The following SCN8A variants were observed in gnomAD, a reference collection of about 807,000 sequenced individuals.
SCN8A encodes the protein sodium voltage-gated channel alpha subunit 8.
Under a neutral mutation model 184.1 loss-of-function variants are expected in SCN8A, and 30 were observed. That is an observed-to-expected ratio of 0.16 (90% CI 0.12 to 0.22). The LOEUF (loss-of-function observed/expected upper bound fraction) is 0.22, where lower values mean the gene tolerates loss of function less well. SCN8A is among the 10% of genes least tolerant of loss of function. The probability of loss-of-function intolerance (pLI) is 1.00; values close to 1 mark genes in which losing one functional copy is unlikely to be tolerated. For missense variants in SCN8A, 1,057 were observed against 2,498.9 expected (o/e 0.42, Z 12.30); for synonymous variants, 852 against 907.0 (o/e 0.94, Z 1.09).
chr12:51,780,062 C>A (rs1050868748), intron 20 of SCN8A: 1 of 290,530 alleles, frequency 3.4e-6, no homozygotes, highest in African/African-American at 2.2e-5. Flanking sequence ...AATGTCGTGA[C>A]GCATCAGATT....
chr12:51,743,785 G>A (rs577211717), intron 12 of SCN8A, among the ~76,000 whole-genome samples: 3 of 152,276 alleles, frequency 2.0e-5, no homozygotes, highest in Non-Finnish European at 2.9e-5. Context: ...CAGGTCCCAG[G>A]TGGGTACAGA....
chr12:51,697,836 T>A (rs1941619731), intron 6 of SCN8A, among the ~76,000 whole-genome samples: 1 of 152,168 alleles, frequency 6.6e-6, no homozygotes. Context: ...TTTTTTTGTT[T>A]TTGTTTTTTT....
intron 26 of SCN8A, among the ~76,000 whole-genome samples, chr12:51,797,630 A>G (rs529854048): frequency 6.6e-6 from 1 of 152,286 alleles, no homozygotes. Context: ...GTAGTTTCCC[A>G]TTGACCTTAA....
At chr12:51,705,654 C>G in intron 10 of SCN8A, 31 bp downstream of exon 10, 1 of 1,579,846 alleles carries the variant, frequency 6.3e-7, no homozygotes, top group South Asian at 1.1e-5. Flanking sequence ...AATAGACCTT[C>G]CTGCCAGATC....
intron 2 of SCN8A, among the ~76,000 whole-genome samples, chr12:51,679,813 C>T (rs985896465): frequency 6.7e-6 from 1 of 148,358 alleles, no homozygotes; most frequent in Admixed American, 6.8e-5. Flanking sequence ...GCAAGCTTTG[C>T]CTCCTGGGTT....
rs1360924922 is a variant in SCN8A, at chr12:51,769,028, A to G, written c.3065A>G (p.His1022Arg). Reference protein sequence around the residue: ...KLKVHAFMQAHFKQREADEVK... With the variant: ...KLKVHAFMQARFKQREADEVK... ...AAGGTGCACGCCTTCATGCAGGCCC[A>G]CTTTAAGCAGCGTGAGGCTGATGAG... Residue 1022 changes from histidine to arginine, a missense_variant, in exon 17 of 27, where the codon CAC (histidine) becomes CGC (arginine). Physicochemically the swap from His to Arg is conservative, Grantham distance 29 (BLOSUM62 0). Around this residue, in one of 19 missense-constraint regions of SCN8A, gnomAD observed 178 missense variants for 259.6 expected, o/e 0.69. Coordinates refer to ENST00000627620, the MANE Select transcript of SCN8A (RefSeq NM_001330260.2). 6.2e-7 allele frequency: 1 copy of G among 1,613,998 alleles called. No homozygotes were observed. The highest frequency in any genetic ancestry group is 8.5e-7 in the Non-Finnish European group (1 of 1,179,884).
intron 5 of SCN8A, 148 bp from the exon 6 acceptor site, chr12:51,688,857 G>C: frequency 6.2e-7 from 1 of 1,610,526 alleles, no homozygotes; most frequent in Non-Finnish European, 8.5e-7. Context: ...CAGGTAAGAT[G>C]GTCCGGGGTT....
At chr12:51,796,338 ACACTTTGGACAATGCTACCCTTGTC>A (rs1258048917) in intron 26 of SCN8A, among the ~76,000 whole-genome samples, 1 of 152,068 alleles carries the variant, frequency 6.6e-6, no homozygotes, top group African/African-American at 2.4e-5. Context: ...CTCACAAAAC[ACACTTTGGACAATGCTACCCTTGTC>A]CACTGCTCTT....
At chr12:51,678,434 C>T (rs1043199141) in intron 2 of SCN8A, among the ~76,000 whole-genome samples, 1 of 152,172 alleles carries the variant, frequency 6.6e-6, no homozygotes, top group African/African-American at 2.4e-5. Context: ...AGGCTTTCTC[C>T]TCAAATTTAT....
chr12:51,702,090 G>A (rs1730762136), intron 8 of SCN8A, among the ~76,000 whole-genome samples: 1 of 152,012 alleles, frequency 6.6e-6, no homozygotes, highest in African/African-American at 2.4e-5. Flanking sequence ...TTGGGAGGCT[G>A]GGGCAGGCAG....
rs1183837698 is a variant in SCN8A, at chr12:51,770,003, G to T, written c.3490+18G>T. On this transcript the variant is annotated intron_variant, in intron 18 of 26. Transcript: ENST00000627620. ...CACAGAAGGTGAAAGGGGATGAGGA[G>T]CGGATGGGCTGGGGACACTCGTGTT... is the stretch of plus-strand genomic sequence containing the variant. The T allele has an allele frequency of 2.0e-6, 3 of 1,522,938 alleles. No homozygotes were observed. In the South Asian group the frequency reaches 3.6e-5, roughly 18 times the overall value. The allele number at this position is 1,522,938 out of a possible 1,614,324, so 94.3% of individuals were successfully genotyped here.
intron 14 of SCN8A, among the ~76,000 whole-genome samples, chr12:51,758,910 C>T (rs187332457): frequency 3.7e-4 from 56 of 152,042 alleles, no homozygotes; most frequent in Admixed American, 3.3e-3. Flanking sequence ...CCAGTGGATG[C>T]CTGAAACCTC....
chr12:51,791,181 C>T (rs1168074476), intron 25 of SCN8A, among the ~76,000 whole-genome samples: 1 of 152,130 alleles, frequency 6.6e-6, no homozygotes, highest in Non-Finnish European at 1.5e-5. Context: ...CTGTAACTTC[C>T]ATTTAGCAAC....
rs1592175486 is a variant in SCN8A at position 51,807,645 on chromosome 12, A to G, written c.*216A>G. The G allele has an allele frequency of 6.7e-6, 4 of 594,390 alleles. No homozygotes were observed. The East Asian group carries it at 1.1e-4, about 17-fold the overall frequency. The allele number at this position is 594,390 out of a possible 1,614,324, so 36.8% of individuals were successfully genotyped here. On this transcript the variant is annotated 3_prime_UTR_variant, in exon 27 of 27. Coordinates refer to ENST00000627620, the MANE Select transcript of SCN8A (RefSeq NM_001330260.2). This position sits in a 1 kb window ranked among gnomAD's most constrained non-coding sequence, Gnocchi z 4.5. ...GCTCCCTAGACTTACAGATTTTCTA[A>G]TGCTTGGGCAGGTGGTTACTGCATG...
At chr12:51,614,444 T>C (rs1035632485) in intron 1 of SCN8A, among the ~76,000 whole-genome samples, 2 of 152,136 alleles carry the variant, frequency 1.3e-5, no homozygotes, top group African/African-American at 4.8e-5. Flanking sequence ...TATTTTCCAC[T>C]TTTTACTTAA....
intron 12 of SCN8A, 98 bp from the exon 13 acceptor site, chr12:51,745,805 A>G: frequency 1.0e-6 from 1 of 963,242 alleles, no homozygotes; most frequent in Non-Finnish European, 1.5e-6. Flanking sequence ...TAAAGACTGT[A>G]ATGAAGATCA....
chr12:51,788,552 GA>G lies in SCN8A; in HGVS notation c.4228-139del, dbSNP rs758031614. ...CTCCTGGGACCTGTAGTAACAAACA[GA>G]AAATTCTGTGTCCAAGGGAGGCTGC... On this transcript the variant is annotated intron_variant, in intron 22 of 26. Coordinates refer to ENST00000627620, the MANE Select transcript of SCN8A (RefSeq NM_001330260.2). 1.4e-3 allele frequency: 640 copies of G among 466,654 alleles called. 2 individuals carry two copies. Among genetic ancestry groups the G allele is most frequent in the South Asian group, 2.2e-3 (27 of 12,422 alleles). The allele number at this position is 466,654 out of a possible 1,614,324, so 28.9% of individuals were successfully genotyped here.
intron 12 of SCN8A, among the ~76,000 whole-genome samples, chr12:51,731,547 G>A (rs1291464879): frequency 2.6e-5 from 4 of 152,146 alleles, no homozygotes; most frequent in Non-Finnish European, 5.9e-5. Flanking sequence ...CACCACGCCC[G>A]ACTGGATATA....
chr12:51,794,358 C>T lies in SCN8A; in HGVS notation c.4525-13C>T. The T allele has an allele frequency of 6.3e-7, 1 of 1,599,948 alleles. No individual in the cohort carries two copies. Among genetic ancestry groups the T allele is most frequent in the East Asian group, 2.2e-5 (1 of 44,646 alleles). On this transcript the variant is annotated splice_polypyrimidine_tract_variant and intron_variant, in intron 25 of 26. Coordinates refer to ENST00000627620, the MANE Select transcript of SCN8A (RefSeq NM_001330260.2). ...TCATGAATCTTTTATCTTTTCCTTC[C>T]CTTCCTCCCCAGAACAAAATCCAAG...
Sources: gnomAD v4.1 joint callset for allele counts (sites outside exome capture counted in the v4.1 genomes callset) on GRCh38, gnomAD v4.1.1 for gene constraint, gnomAD v4.1.1 regional missense constraint, Gnocchi (gnomAD v3.1) non-coding constraint, MANE v1.5 for transcripts, NCBI Gene and HGNC (gene_info 2026-07-23, HGNC 2026-07-21) for gene names.